The following SDK1 variants were observed in gnomAD, a reference collection of about 807,000 sequenced individuals.
SDK1 encodes the protein sidekick cell adhesion molecule 1, also known as protein sidekick-1.
A neutral mutation model predicts 245.5 loss-of-function variants in SDK1; 157 were observed. That is an observed-to-expected ratio of 0.64 (90% confidence interval 0.56 to 0.73). The LOEUF (loss-of-function observed/expected upper bound fraction) is 0.73. Among genes scored for constraint, SDK1 ranks in the 30% least tolerant of loss-of-function variants. The probability of loss-of-function intolerance (pLI) is 0.00; values close to 1 mark genes in which losing one functional copy is unlikely to be tolerated. For synonymous variants in SDK1, 1,647 were observed against 1,278.5 expected, an observed-to-expected ratio of 1.29 and a Z score of -6.15; for missense variants, 3,583 against 3,002.3, an observed-to-expected ratio of 1.19 and a Z score of -4.52.
chr7:3,790,785 C>T (rs572795113), intron 4 of SDK1, among the ~76,000 whole-genome samples: 12 of 152,124 alleles, frequency 7.9e-5, no homozygotes, highest in South Asian at 2.1e-4. Context: ...GAAACAAGAG[C>T]GAAACTGTCG....
chr7:4,182,093 G>A (rs942117006), intron 35 of SDK1, among the ~76,000 whole-genome samples: 1 of 152,100 alleles, frequency 6.6e-6, no homozygotes, highest in African/African-American at 2.4e-5. Context: ...CTAATTTTTT[G>A]TACTTTTAGT....
chr7:3,308,928 G>C (rs1779485020), intron 1 of SDK1, among the ~76,000 whole-genome samples: 1 of 152,110 alleles, frequency 6.6e-6, no homozygotes, highest in African/African-American at 2.4e-5. Context: ...ATGGTGATTT[G>C]GGGAGGAATA....
intron 14 of SDK1, among the ~76,000 whole-genome samples, chr7:3,992,727 ACTGAGTGT>A (rs1490532678): frequency 1.8e-4 from 28 of 152,224 alleles, no homozygotes; most frequent in African/African-American, 6.0e-4. Flanking sequence ...AAAAAGGATT[ACTGAGTGT>A]CTCATCTAGC....
At position 3,777,849 on chromosome 7, in the gene SDK1, T is replaced by A. The variant is rs1267968293; in HGVS notation, c.714-43601T>A. On this transcript the variant is annotated intron_variant, in intron 4 of 44. Transcript: ENST00000404826. ...TTTACAGAAAGTCGTCCTTAAAGTG[T>A]TGCTAAAAAATATAGGTCAATTACA... 2.0e-5 allele frequency among the ~76,000 whole-genome samples: 3 copies of A among 152,344 alleles called. No homozygotes were observed. In the East Asian group the frequency reaches 5.8e-4, roughly 29 times the overall value.
chr7:3,878,370 A>C (rs534233855), intron 5 of SDK1, among the ~76,000 whole-genome samples: 11 of 152,144 alleles, frequency 7.2e-5, no homozygotes, highest in Non-Finnish European at 1.3e-4. Context: ...AATACAAAAA[A>C]ATTAGCTGGG....
chr7:3,738,592 G>T (rs990932889), intron 4 of SDK1, among the ~76,000 whole-genome samples: 1 of 152,096 alleles, frequency 6.6e-6, no homozygotes, highest in Non-Finnish European at 1.5e-5. Flanking sequence ...AGGAATTTTA[G>T]CAGGATTGTA....
In SDK1 at chr7:4,174,374, T is replaced by C; in HGVS notation, c.4936+17T>C. On this transcript the variant is annotated intron_variant, in intron 33 of 44. Transcript: ENST00000404826. ...AGCTCACAGGTGAGACTGTCCCCTC[T>C]GTCCTGGTACAGGGAGGGAGGTTCC... 48 of 1,613,244 alleles carry C rather than the reference T, an allele frequency of 3.0e-5. No individual in the cohort carries two copies. The highest frequency in any genetic ancestry group is 4.0e-5 in the Non-Finnish European group (47 of 1,179,384).
At chr7:3,989,855 C>G (rs755346869) in intron 14 of SDK1, among the ~76,000 whole-genome samples, 3 of 152,222 alleles carry the variant, frequency 2.0e-5, no homozygotes, top group Admixed American at 1.3e-4. Context: ...ACCACAGCCA[C>G]ACAGTTTAAT....
intron 5 of SDK1, among the ~76,000 whole-genome samples, chr7:3,862,948 C>G (rs547171957): frequency 1.3e-5 from 2 of 150,376 alleles, no homozygotes; most frequent in African/African-American, 5.0e-5. Context: ...GAATCCAGTG[C>G]CACCGCTGGC....
At chr7:3,461,112 G>A (rs1488444002) in intron 1 of SDK1, among the ~76,000 whole-genome samples, 2 of 152,114 alleles carry the variant, frequency 1.3e-5, no homozygotes, top group African/African-American at 4.8e-5. Flanking sequence ...TGGTTGATGT[G>A]TTGTACAAAC....
At chr7:3,406,441 T>G (rs1046208552) in intron 1 of SDK1, among the ~76,000 whole-genome samples, 1 of 152,162 alleles carries the variant, frequency 6.6e-6, no homozygotes, top group South Asian at 2.1e-4. Context: ...TCCTCTCCAA[T>G]GGACTGGCTT....
chr7:3,635,955 T>A (rs144769921), intron 2 of SDK1, among the ~76,000 whole-genome samples: 28 of 152,324 alleles, frequency 1.8e-4, no homozygotes, highest in Middle Eastern at 3.4e-3. Context: ...CACCTTCCCA[T>A]ATGTGAAAAG....
chr7:3,971,513 G>A lies in SDK1; in HGVS notation c.1762G>A (p.Gly588Arg). 6.2e-7 allele frequency: 1 copy of A among 1,613,764 alleles called. No homozygotes were observed. Among genetic ancestry groups the A allele is most frequent in the Non-Finnish European group, 8.5e-7 (1 of 1,179,918 alleles). ...TCCTGAGGACCACGTGGTGATTAAG[G>A]GGACCACGGCCACGCTGCACTGTGG... ...HPPEDHVVIK[G>R]TTATLHCGAT... The change falls in exon 12 of 45, where the codon GGG becomes AGG. Residue 588 changes from glycine to arginine, a missense_variant. Transcript: ENST00000404826.
chr7:4,250,982 C>G (rs1583177394), intron 44 of SDK1, among the ~76,000 whole-genome samples: 1 of 152,266 alleles, frequency 6.6e-6, no homozygotes, highest in East Asian at 1.9e-4. Flanking sequence ...CACTTTCTGT[C>G]TCTATAGATT....
At chr7:3,841,926 TAAAG>T (rs1035401453) in intron 5 of SDK1, among the ~76,000 whole-genome samples, 5 of 152,038 alleles carry the variant, frequency 3.3e-5, no homozygotes, top group Non-Finnish European at 4.4e-5. Flanking sequence ...GTGGTGGAAA[TAAAG>T]AAGCAAATTA....
In SDK1 at chr7:4,144,416, A is replaced by C. The variant is rs925510727; in HGVS notation, c.4229-1306A>C. 5.3e-5 allele frequency among the ~76,000 whole-genome samples: 8 copies of C among 151,290 alleles called. No homozygotes were observed. The South Asian group carries it at 1.5e-3, about 28-fold the overall frequency. On this transcript the variant is annotated intron_variant, in intron 28 of 44. Transcript: ENST00000404826. ...GCCTAGAGGTGGCTGCGTCATGGAC[A>C]GGGCAGGGCGTGTGTCCCTGTCTGT...
chr7:4,109,583 C>T (rs1163946892), intron 22 of SDK1, among the ~76,000 whole-genome samples: 1 of 152,196 alleles, frequency 6.6e-6, no homozygotes, highest in Non-Finnish European at 1.5e-5. Context: ...CCCTTGGGTC[C>T]CCCAGAGCCA....
At chr7:4,033,898 A>T (rs762564147) in intron 17 of SDK1, among the ~76,000 whole-genome samples, 1 of 152,178 alleles carries the variant, frequency 6.6e-6, no homozygotes, top group Non-Finnish European at 1.5e-5. Context: ...TGCTAGAACT[A>T]GTGGGAGAAG....
intron 1 of SDK1, among the ~76,000 whole-genome samples, chr7:3,408,693 A>G (rs1452146773): frequency 6.6e-6 from 1 of 152,080 alleles, no homozygotes; most frequent in Non-Finnish European, 1.5e-5. Flanking sequence ...TTAACTGTTT[A>G]TTTTTTATAT....
Sources: allele counts gnomAD v4.1 joint callset (sites outside exome capture counted in the v4.1 genomes callset), GRCh38; gene constraint gnomAD v4.1.1; transcripts MANE v1.5; gene names NCBI Gene and HGNC (gene_info 2026-07-23, HGNC 2026-07-21).